The following CPEB2 variants were observed in gnomAD, a reference collection of about 807,000 sequenced individuals.
CPEB2 encodes the protein cytoplasmic polyadenylation element binding protein 2, also known as cytoplasmic polyadenylation element-binding protein 2.
A neutral mutation model predicts 93.6 loss-of-function variants in CPEB2; 56 were observed. The ratio of observed to expected loss-of-function variants is 0.60; its 90% CI spans 0.48 to 0.75. The LOEUF (loss-of-function observed/expected upper bound fraction) is 0.75, where lower values mean the gene tolerates loss of function less well. Ranked by LOEUF, CPEB2 falls within the 30% of genes least tolerant of loss-of-function variation. The pLI is 0.00. For synonymous variants in CPEB2, 764 were observed against 586.3 expected (o/e 1.30, Z -4.38); for missense variants, 1,579 against 1,395.1 (o/e 1.13, Z -2.10).
In CPEB2 at chr4:15,004,135, TTCGGCGGCC is replaced by T; in HGVS notation, c.1463_1471del (p.Phe488_Pro491delinsSer). The T allele has an allele frequency of 3.5e-6, 2 of 566,074 alleles. No individual in the cohort carries two copies. The highest frequency in any genetic ancestry group is 6.0e-6 in the Non-Finnish European group (2 of 332,036). The allele number at this position is 566,074 out of a possible 1,614,324, so 35.1% of individuals were successfully genotyped here. ...GACGAGCGGCGGCGGCGGCGGCGGC[TTCGGCGGCC>T]CCTTCTCGGCTACCGCTGTGCCCCC... On this transcript the variant is annotated inframe_deletion, in exon 1 of 12. Coordinates refer to ENST00000538197, the MANE Select transcript of CPEB2 (RefSeq NM_001177382.2).
At position 15,054,109 on chromosome 4, in the gene CPEB2, A is replaced by G. The variant is rs760409860; in HGVS notation, c.2372-19A>G. ...TCACTGAAACTAATTTCTAATGTGT[A>G]TTATTGTACTTTCTTAAGATGAAAT... is the stretch of plus-strand genomic sequence containing the variant. On this transcript the variant is annotated intron_variant, in intron 7 of 11. Transcript: ENST00000538197. 7 of 1,538,070 alleles carry G rather than the reference A, an allele frequency of 4.6e-6. No homozygotes were observed. The highest frequency in any genetic ancestry group is 6.3e-6 in the Non-Finnish European group (7 of 1,116,488).
intron 4 of CPEB2, among the ~76,000 whole-genome samples, chr4:15,030,166 C>G (rs1185992388): frequency 2.0e-5 from 3 of 151,502 alleles, no homozygotes; most frequent in African/African-American, 7.3e-5. Context: ...GGTTTTTTTT[C>G]TATTTTTTCT....
At position 15,003,462 on chromosome 4, in the gene CPEB2, GC is replaced by G; in HGVS notation, c.790del (p.Leu264SerfsTer44). On this transcript the variant is annotated frameshift_variant, in exon 1 of 12. Transcript: ENST00000538197. LOFTEE classifies it high-confidence loss of function. ...RPADLPPLPQ[L>X]PPSPPAAPRR... The stretch of plus-strand genomic sequence containing the variant: ...CGGCAGACCTGCCCCCGCTCCCGCA[GC>G]TCCCTCCCTCGCCGCCTGCAGCCCC... 1 of 1,384,170 alleles carries G rather than the reference GC, an allele frequency of 7.2e-7. No individual in the cohort carries two copies. The allele number at this position is 1,384,170 out of a possible 1,614,324, so 85.7% of individuals were successfully genotyped here.
chr4:15,045,366 T>C (rs1429603637), intron 6 of CPEB2, among the ~76,000 whole-genome samples: 1 of 152,192 alleles, frequency 6.6e-6, no homozygotes, highest in African/African-American at 2.4e-5. Flanking sequence ...CTGTCATAAA[T>C]ACCTGTACAT....
At chr4:15,017,134 G>T in intron 3 of CPEB2, 54 bp from the exon 4 acceptor site, 3 of 959,736 alleles carry the variant, frequency 3.1e-6, no homozygotes, top group South Asian at 2.7e-5. Context: ...TTTTATAATC[G>T]CTTTTTGAAA....
At chr4:15,012,905 TA>T (rs1168033895) in intron 3 of CPEB2, among the ~76,000 whole-genome samples, 2 of 152,028 alleles carry the variant, frequency 1.3e-5, no homozygotes, top group Non-Finnish European at 2.9e-5. Context: ...ACCACTTCTT[TA>T]AAAATAAAAC....
chr4:15,014,020 ATAGT>A (rs1560219052), intron 3 of CPEB2, among the ~76,000 whole-genome samples: 1 of 152,054 alleles, frequency 6.6e-6, no homozygotes, highest in Non-Finnish European at 1.5e-5. Context: ...ACTGATATTT[ATAGT>A]TAGTTTAAGG....
Position 15,007,492 on chromosome 4 carries a change from T to G in CPEB2, c.1850T>G (p.Phe617Cys). The G allele has an allele frequency of 6.2e-7, 1 of 1,614,080 alleles. No individual in the cohort carries two copies. The highest frequency in any genetic ancestry group is 8.5e-7 in the Non-Finnish European group (1 of 1,179,998). The change falls in exon 2 of 12, where the codon TTT (phenylalanine) becomes TGT (cysteine). Residue 617 changes from phenylalanine to cysteine, a missense_variant. Around this residue, in one of 2 missense-constraint regions of CPEB2, gnomAD observed 1,411 missense variants for 1,056.0 expected, o/e 1.34. Coordinates refer to ENST00000538197, the MANE Select transcript of CPEB2 (RefSeq NM_001177382.2). ...FSGNVIAPPK[F>C]TRSTPSLTPK... ...GGTAATGTCATAGCACCACCGAAAT[T>G]TACTCGCTCAACTCCATCACTGACT...
At chr4:15,030,674 A>G (rs1382401380) in intron 4 of CPEB2, among the ~76,000 whole-genome samples, 1 of 152,132 alleles carries the variant, frequency 6.6e-6, no homozygotes, top group African/African-American at 2.4e-5. Flanking sequence ...AAATGAGTCT[A>G]AATTTGCTTA....
In CPEB2 at chr4:15,003,753, G is replaced by C. The variant is rs1243329239; in HGVS notation, c.1080G>C (p.Gly360=). The C allele has an allele frequency of 2.5e-6, 3 of 1,203,608 alleles. No homozygotes were observed. The highest frequency in any genetic ancestry group is 3.1e-6 in the Non-Finnish European group (3 of 973,498). The allele number at this position is 1,203,608 out of a possible 1,614,324, so 74.6% of individuals were successfully genotyped here. The change falls in exon 1 of 12, where the codon GGG becomes GGC. Residue 360 remains glycine (G), a synonymous_variant. Transcript: ENST00000538197. ...PGGGGGGGGG[G]PPGGGGGGGS... is the part of the protein sequence containing the mutation. ...GCGGCGGCGGCGGCGGGGGCGGGGG[G>C]CCCCCAGGAGGCGGAGGGGGAGGCG...
chr4:15,011,929 T>G (rs1723543380), intron 3 of CPEB2, among the ~76,000 whole-genome samples: 1 of 148,346 alleles, frequency 6.7e-6, no homozygotes, highest in Admixed American at 6.8e-5. Flanking sequence ...CATAATAAAC[T>G]ACCTTGAATT....
At chr4:15,046,223 T>C (rs1037603127) in intron 6 of CPEB2, among the ~76,000 whole-genome samples, 1 of 152,120 alleles carries the variant, frequency 6.6e-6, no homozygotes, top group Non-Finnish European at 1.5e-5. Context: ...TGAGACTGTG[T>C]TGGCCTTTTT....
chr4:15,035,803 A>G (rs1214079843), intron 5 of CPEB2, among the ~76,000 whole-genome samples: 1 of 152,178 alleles, frequency 6.6e-6, no homozygotes, highest in Non-Finnish European at 1.5e-5. Flanking sequence ...AGTACCCAAG[A>G]TGATTTTGAT....
intron 4 of CPEB2, among the ~76,000 whole-genome samples, chr4:15,029,406 A>G (rs911643160): frequency 1.3e-5 from 2 of 152,112 alleles, no homozygotes; most frequent in African/African-American, 4.8e-5. Flanking sequence ...TAGATCCTCT[A>G]GTTATTCACT....
At chr4:15,058,079 C>T (rs1728873601) in intron 8 of CPEB2, among the ~76,000 whole-genome samples, 1 of 152,178 alleles carries the variant, frequency 6.6e-6, no homozygotes, top group African/African-American at 2.4e-5. Context: ...AATTATTCAA[C>T]CATTTACTAT....
In CPEB2 at chr4:15,052,448, G is replaced by T; in HGVS notation, c.2235G>T (p.Leu745Phe). 6.4e-7 allele frequency: 1 copy of T among 1,563,702 alleles called. No individual in the cohort carries two copies. The highest frequency in any genetic ancestry group is 8.7e-7 in the Non-Finnish European group (1 of 1,149,912). The change falls in exon 7 of 12, where the codon TTG becomes TTT. Residue 745 changes from leucine (L) to phenylalanine (F), a missense_variant. Leu to Phe is a conservative substitution (Grantham distance 22, BLOSUM62 0). Transcript: ENST00000538197. Reference sequence around the variant, plus strand: ...CCCTCTTTCCAATAGATGATGGCTTGCTTGATGATGGTCACAGTGATCAAG... The same window carrying T: ...CCCTCTTTCCAATAGATGATGGCTTTCTTGATGATGGTCACAGTGATCAAG... ...RSSLFPIDDG[L>F]LDDGHSDQVG...
At position 15,003,210 on chromosome 4, in the gene CPEB2, GAA is replaced by G. The variant is rs1351212411; in HGVS notation, c.539_540del (p.Lys180ArgfsTer147). ...QQQQLSSQKR[K>X]EFSPPHLPHP... Reference sequence around the variant, plus strand: ...AGCAGCAGCTGAGCAGCCAGAAGAGGAAAGAGTTCAGCCCTCCCCACCTTCCC... The same window carrying G: ...AGCAGCAGCTGAGCAGCCAGAAGAGGAGAGTTCAGCCCTCCCCACCTTCCC... On this transcript the variant is annotated frameshift_variant, in exon 1 of 12. Coordinates refer to ENST00000538197, the MANE Select transcript of CPEB2 (RefSeq NM_001177382.2). LOFTEE classifies it high-confidence loss of function. 2.0e-6 allele frequency: 3 copies of G among 1,533,786 alleles called. No individual in the cohort carries two copies. The highest frequency in any genetic ancestry group is 2.6e-6 in the Non-Finnish European group (3 of 1,146,146).
intron 6 of CPEB2, among the ~76,000 whole-genome samples, chr4:15,046,603 G>A (rs917161065): frequency 6.6e-6 from 1 of 152,124 alleles, no homozygotes; most frequent in African/African-American, 2.4e-5. Flanking sequence ...GTTTCCTGAT[G>A]ACTAAGGATG....
At chr4:15,059,380 A>G in intron 10 of CPEB2, 79 bp downstream of exon 10, 2 of 911,912 alleles carry the variant, frequency 2.2e-6, no homozygotes, top group Admixed American at 1.9e-5. Flanking sequence ...TTTGGAAGCT[A>G]TTGTGTACAT....
Sources: allele counts gnomAD v4.1 joint callset (sites outside exome capture counted in the v4.1 genomes callset), GRCh38; gene constraint gnomAD v4.1.1; regional missense constraint gnomAD v4.1.1; transcripts MANE v1.5; gene names NCBI Gene and HGNC (gene_info 2026-07-23, HGNC 2026-07-21).